Variants in TRPM3 observed in about 807,000 individuals in gnomAD.
The protein encoded by TRPM3 is long transient receptor potential channel 3.
In TRPM3, 77 loss-of-function variants were observed where a neutral mutation model predicts 181.2. That is an observed-to-expected ratio of 0.42 (90% CI 0.35 to 0.51). The LOEUF is 0.51. TRPM3 is among the 20% of genes least tolerant of loss of function. The pLI is 0.01. For missense variants in TRPM3, 1,759 were observed against 2,196.7 expected (o/e 0.80, Z 3.98); for synonymous variants, 745 against 796.4 (o/e 0.94, Z 1.09).
intron 9 of TRPM3, among the ~76,000 whole-genome samples, chr9:70,660,541 C>T (rs1344814586): frequency 2.6e-5 from 4 of 152,014 alleles, no homozygotes; most frequent in African/African-American, 9.7e-5. Context: ...ACCATAACTC[C>T]TCAGAACTTG....
At chr9:71,259,584 C>G (rs913910525) in intron 1 of TRPM3, among the ~76,000 whole-genome samples, 1 of 152,174 alleles carries the variant, frequency 6.6e-6, no homozygotes, top group African/African-American at 2.4e-5. Context: ...GATCACTATT[C>G]TAACTGGTGT....
chr9:70,630,642 G>A (rs2065648477), intron 12 of TRPM3, among the ~76,000 whole-genome samples: 1 of 152,162 alleles, frequency 6.6e-6, no homozygotes, highest in South Asian at 2.1e-4. Context: ...TGCTGTTTCT[G>A]TTCTAGCACT....
At chr9:71,419,262 T>C (rs1422748688) in intron 1 of TRPM3, among the ~76,000 whole-genome samples, 1 of 151,762 alleles carries the variant, frequency 6.6e-6, no homozygotes, top group Non-Finnish European at 1.5e-5. Flanking sequence ...TAGAAAATAT[T>C]TGTTTATTCT....
At chr9:70,808,846 T>C (rs2091264374) in intron 6 of TRPM3, among the ~76,000 whole-genome samples, 1 of 152,234 alleles carries the variant, frequency 6.6e-6, no homozygotes, top group Non-Finnish European at 1.5e-5. Context: ...GTTTGCATGA[T>C]TGGGCTGAAC....
chr9:71,393,998 A>T (rs996234826), intron 1 of TRPM3, among the ~76,000 whole-genome samples: 12 of 152,320 alleles, frequency 7.9e-5, no homozygotes, highest in African/African-American at 2.9e-4. Context: ...TACAGAAAAA[A>T]AAATGTGTAT....
chr9:70,857,040 T>A (rs147866164), intron 3 of TRPM3, among the ~76,000 whole-genome samples: 1 of 152,188 alleles, frequency 6.6e-6, no homozygotes, highest in East Asian at 1.9e-4. Flanking sequence ...TCCATCTTCT[T>A]GTTGCTCTGT....
chr9:70,560,454 C>T (rs1413095952), intron 22 of TRPM3, among the ~76,000 whole-genome samples: 4 of 152,198 alleles, frequency 2.6e-5, no homozygotes, highest in Admixed American at 2.6e-4. Flanking sequence ...GTGCTATGAG[C>T]TTTACGTATA....
At chr9:71,110,115 C>T (rs759968803) in intron 1 of TRPM3, among the ~76,000 whole-genome samples, 3 of 152,090 alleles carry the variant, frequency 2.0e-5, no homozygotes, top group Non-Finnish European at 2.9e-5. Context: ...CCAATAAGCA[C>T]GAACGATTTA....
chr9:70,814,401 G>A (rs1160279564), intron 6 of TRPM3, among the ~76,000 whole-genome samples: 4 of 152,146 alleles, frequency 2.6e-5, no homozygotes, highest in Non-Finnish European at 5.9e-5. Flanking sequence ...TGATATGGAT[G>A]TAAACATGGG....
intron 1 of TRPM3, among the ~76,000 whole-genome samples, chr9:71,265,083 G>T (rs761062739): frequency 4.6e-5 from 7 of 152,110 alleles, no homozygotes; most frequent in Admixed American, 6.6e-5. Context: ...ATTCAAGCAT[G>T]AGATCTTCAA....
chr9:71,201,579 A>G (rs981180987), intron 1 of TRPM3, among the ~76,000 whole-genome samples: 12 of 151,984 alleles, frequency 7.9e-5, no homozygotes, highest in African/African-American at 2.7e-4. Flanking sequence ...GTTTCTTTTT[A>G]TTCTTTTTTC....
chr9:71,186,894 T>C lies in TRPM3; in HGVS notation c.183+259759A>G, dbSNP rs1482116586. 3.3e-5 allele frequency among the ~76,000 whole-genome samples: 5 copies of C among 152,174 alleles called. No homozygotes were observed. The East Asian group carries it at 7.8e-4, about 24-fold the overall frequency. On this transcript the variant is annotated intron_variant, in intron 1 of 24. Transcript: ENST00000357533. ...TCTATGAACAAATGGGAGCATGTCA[T>C]GGAGTTTTAAACAGAATCTCATGAA...
At chr9:70,590,486 C>T (rs1220783204) in intron 22 of TRPM3, among the ~76,000 whole-genome samples, 1 of 152,192 alleles carries the variant, frequency 6.6e-6, no homozygotes, top group Non-Finnish European at 1.5e-5. Context: ...TACCAGCTTC[C>T]TATGAGTCTC....
intron 1 of TRPM3, among the ~76,000 whole-genome samples, chr9:71,096,061 A>C (rs1397625410): frequency 6.6e-6 from 1 of 152,134 alleles, no homozygotes; most frequent in Non-Finnish European, 1.5e-5. Flanking sequence ...TTATTCAAAT[A>C]AGATATTTTC....
At chr9:70,890,896 T>C (rs866465286) in intron 1 of TRPM3, among the ~76,000 whole-genome samples, 2 of 151,738 alleles carry the variant, frequency 1.3e-5, no homozygotes, top group African/African-American at 2.4e-5. Context: ...GCAGCAGAGC[T>C]GGGAACAGCC....
chr9:70,674,675 T>G (rs1259478699), intron 9 of TRPM3, among the ~76,000 whole-genome samples: 1 of 149,992 alleles, frequency 6.7e-6, no homozygotes, highest in African/African-American at 2.4e-5. Flanking sequence ...TCCTCTCACC[T>G]CAAACTCCCA....
rs541470073 is a variant in TRPM3 at position 70,641,887 on chromosome 9, G to C, written c.1346-1227C>G. ...GGGGGCCCAAGTGAGAGTCCCTGTG[G>C]CTCCTCTCAGCCACTGTTGATTATT... On this transcript the variant is annotated intron_variant, in intron 9 of 25. Transcript: ENST00000677713. 2.0e-5 allele frequency among the ~76,000 whole-genome samples: 3 copies of C among 152,302 alleles called. No homozygotes were observed. The East Asian group carries it at 5.8e-4, about 29-fold the overall frequency.
rs577601587 is a variant in TRPM3, at chr9:70,755,920, C to T, written c.1272+5681G>A. 6.6e-5 allele frequency among the ~76,000 whole-genome samples: 10 copies of T among 152,158 alleles called. No individual in the cohort carries two copies. The South Asian group carries it at 1.0e-3, about 16-fold the overall frequency. ...ACTATGAAGAAACTGCATTAACTAA[C>T]GGGCAAAATAACCAGCTAGCATCAT... On this transcript the variant is annotated intron_variant, in intron 8 of 25. Transcript: ENST00000677713.
intron 6 of TRPM3, among the ~76,000 whole-genome samples, chr9:70,816,840 C>A (rs563297198): frequency 5.3e-4 from 80 of 152,244 alleles, no homozygotes; most frequent in African/African-American, 1.7e-3. Flanking sequence ...GTTAACTAAA[C>A]CAGGATGGTC....
Sources: gnomAD v4.1 joint callset for allele counts (sites outside exome capture counted in the v4.1 genomes callset) on GRCh38, gnomAD v4.1.1 for gene constraint, MANE v1.5 for transcripts, NCBI Gene and HGNC (gene_info 2026-07-23, HGNC 2026-07-21) for gene names.